RASGEF1A: variants seen among roughly 807,000 people sequenced by gnomAD.
The protein encoded by RASGEF1A is ras-GEF domain-containing family member 1A.
A neutral mutation model predicts 56.4 loss-of-function variants in RASGEF1A; 18 were observed. The ratio of observed to expected loss-of-function variants is 0.32; its 90% CI spans 0.22 to 0.47. The LOEUF is 0.47. Ranked by LOEUF, RASGEF1A falls within the 20% of genes least tolerant of loss-of-function variation. RASGEF1A has a pLI of 1.00. For synonymous variants in RASGEF1A, 245 were observed against 242.6 expected (o/e 1.01, Z -0.09); for missense variants, 422 against 627.1 (o/e 0.67, Z 3.49).
chr10:43,243,374 C>T (rs997007511), intron 1 of RASGEF1A, among the ~76,000 whole-genome samples: 2 of 149,238 alleles, frequency 1.3e-5, no homozygotes, highest in African/African-American at 5.0e-5. Flanking sequence ...CCCAGCTGCC[C>T]CGTCCGGGAG....
chr10:43,229,578 G>A, intron 1 of RASGEF1A: 3 of 1,403,632 alleles, frequency 2.1e-6, no homozygotes, highest in Non-Finnish European at 2.9e-6. Context: ...CCCCTCCCGA[G>A]CCCGACAGCG....
At chr10:43,222,998 T>C (rs79407281) in intron 1 of RASGEF1A, among the ~76,000 whole-genome samples, 5,420 of 141,742 alleles carry the variant, frequency 0.038, 162 homozygotes, top group South Asian at 0.061. Flanking sequence ...AAAAACACTT[T>C]ATTGGTTTTT....
At chr10:43,216,092 C>T (rs1336884919) in intron 1 of RASGEF1A, among the ~76,000 whole-genome samples, 1 of 152,216 alleles carries the variant, frequency 6.6e-6, no homozygotes, top group Admixed American at 6.5e-5. Context: ...ATGTGTGTGT[C>T]GGCCTTGCTA....
intron 1 of RASGEF1A, among the ~76,000 whole-genome samples, chr10:43,221,500 T>C (rs1006438390): frequency 1.3e-5 from 2 of 152,078 alleles, no homozygotes; most frequent in Non-Finnish European, 2.9e-5. Context: ...CTGGTGGAGC[T>C]GGGATTGGAA....
At position 43,198,949 on chromosome 10, in the gene RASGEF1A, T is replaced by C; in HGVS notation, c.1016A>G (p.Lys339Arg). 6.2e-7 allele frequency: 1 copy of C among 1,613,412 alleles called. No individual in the cohort carries two copies. The highest frequency in any genetic ancestry group is 2.2e-5 in the East Asian group (1 of 44,858). The stretch of plus-strand genomic sequence containing the variant: ...GGTGCCTACCTCCAAGACATCAAAC[T>C]TGGCTGTCTTGACCTTGGACCAAGT... ...KKTWSKVKTAKFDVLEHHMDP... is the reference protein window; with the variant it reads ...KKTWSKVKTARFDVLEHHMDP... Residue 339 changes from lysine to arginine, a missense_variant, in exon 9 of 13, where the codon AAG (lysine) becomes AGG (arginine). Around this residue, in one of 2 missense-constraint regions of RASGEF1A, gnomAD observed 149 missense variants for 287.2 expected, o/e 0.52. Transcript: ENST00000395810.
At chr10:43,226,175 C>T (rs1382580501) in intron 1 of RASGEF1A, among the ~76,000 whole-genome samples, 1 of 152,260 alleles carries the variant, frequency 6.6e-6, no homozygotes, top group African/African-American at 2.4e-5. Flanking sequence ...GGTTCAGTGG[C>T]TAATGCCTGT....
In RASGEF1A at chr10:43,196,131, T is replaced by G; in HGVS notation, c.*113A>C. On this transcript the variant is annotated 3_prime_UTR_variant, in exon 13 of 13. Coordinates refer to ENST00000395810, the MANE Select transcript of RASGEF1A (RefSeq NM_145313.4). This position sits in a 1 kb window ranked among gnomAD's most constrained non-coding sequence, Gnocchi z 4.6. ...ATTACCATTTTTTTCTCATAAAAGTTATATACAAAATGGACCCCAACCAGT... is the reference window on the plus strand; with the variant it reads ...ATTACCATTTTTTTCTCATAAAAGTGATATACAAAATGGACCCCAACCAGT... 1 of 978,744 alleles carries G rather than the reference T, an allele frequency of 1.0e-6. No individual in the cohort carries two copies. Among genetic ancestry groups the G allele is most frequent in the South Asian group, 1.7e-5 (1 of 60,346 alleles). The allele number at this position is 978,744 out of a possible 1,614,324, so 60.6% of individuals were successfully genotyped here.
intron 3 of RASGEF1A, chr10:43,202,767 G>A: frequency 2.2e-6 from 1 of 455,420 alleles, no homozygotes; most frequent in Non-Finnish European, 4.5e-6. Flanking sequence ...CTCCCACCAC[G>A]CCCCTAACCC....
chr10:43,229,878 G>C, intron 1 of RASGEF1A: 1 of 549,832 alleles, frequency 1.8e-6, no homozygotes, highest in Non-Finnish European at 2.8e-6. Flanking sequence ...GGAACGCGGG[G>C]CGGGGCCGAG....
chr10:43,249,135 G>A (rs10899786), intron 1 of RASGEF1A, among the ~76,000 whole-genome samples: 25,358 of 152,180 alleles, frequency 0.17, 2,735 homozygotes, highest in East Asian at 0.51. Flanking sequence ...GTAAGGGAGA[G>A]AGACCTGGTC....
At chr10:43,211,316 G>C (rs1257541027) in intron 1 of RASGEF1A, among the ~76,000 whole-genome samples, 1 of 152,146 alleles carries the variant, frequency 6.6e-6, no homozygotes, top group South Asian at 2.1e-4. Context: ...TCGAGAAGGG[G>C]GTCCTCCCTG....
intron 1 of RASGEF1A, among the ~76,000 whole-genome samples, chr10:43,232,877 C>G (rs973779297): frequency 6.6e-6 from 1 of 152,158 alleles, no homozygotes; most frequent in Non-Finnish European, 1.5e-5. Flanking sequence ...CACACAGCAG[C>G]CGGGGGGGAT....
intron 1 of RASGEF1A, among the ~76,000 whole-genome samples, chr10:43,230,023 G>C (rs1368820712): frequency 6.6e-6 from 1 of 151,976 alleles, no homozygotes; most frequent in African/African-American, 2.4e-5. Context: ...GAGGCTGGAC[G>C]GGGCGTCCGG....
At chr10:43,244,395 TAAAAAAATTAAAA>T (rs1393388318) in intron 1 of RASGEF1A, among the ~76,000 whole-genome samples, 1 of 3,122 alleles carries the variant, frequency 3.2e-4, no homozygotes, top group Non-Finnish European at 3.5e-3. Flanking sequence ...ATACTAAAAA[TAAAAAAATTAAAA>T]AAAAAAATCA....
chr10:43,233,451 T>C (rs1431834537), intron 1 of RASGEF1A, among the ~76,000 whole-genome samples: 6 of 152,184 alleles, frequency 3.9e-5, no homozygotes, highest in Admixed American at 6.5e-5. Flanking sequence ...CTCAATTTTT[T>C]ACAAATGGGC....
intron 1 of RASGEF1A, among the ~76,000 whole-genome samples, chr10:43,214,648 G>T (rs538167350): frequency 1.3e-5 from 2 of 152,168 alleles, no homozygotes; most frequent in East Asian, 3.8e-4. Context: ...TCAGGCCTCC[G>T]TTCAACTCCA....
At chr10:43,197,212 A>G in intron 10 of RASGEF1A, 113 bp from the exon 11 acceptor site, 1 of 1,274,894 alleles carries the variant, frequency 7.8e-7, no homozygotes, top group African/African-American at 1.5e-5. Flanking sequence ...CACTGGTCCC[A>G]GCAAGATGGG....
intron 1 of RASGEF1A, among the ~76,000 whole-genome samples, chr10:43,238,125 A>C (rs964274589): frequency 3.4e-4 from 51 of 151,114 alleles, no homozygotes; most frequent in Non-Finnish European, 5.7e-4. Flanking sequence ...GCAGATTGAG[A>C]CCTGCCTTCA....
chr10:43,207,521 A>C, intron 1 of RASGEF1A: 1 of 985,170 alleles, frequency 1.0e-6, no homozygotes, highest in Non-Finnish European at 1.2e-6. Flanking sequence ...CAAACACCTA[A>C]AGGTTTCCTT....
Sources: gnomAD v4.1 joint callset for allele counts (sites outside exome capture counted in the v4.1 genomes callset) on GRCh38, gnomAD v4.1.1 for gene constraint, gnomAD v4.1.1 regional missense constraint, Gnocchi (gnomAD v3.1) non-coding constraint, MANE v1.5 for transcripts, NCBI Gene and HGNC (gene_info 2026-07-23, HGNC 2026-07-21) for gene names.